SLC12A3: variants seen among roughly 807,000 people sequenced by gnomAD.
SLC12A3 encodes the protein Na-Cl cotransporter.
In SLC12A3, 104 loss-of-function variants were observed where a neutral mutation model predicts 121.0. That is an observed-to-expected ratio of 0.86 (90% CI 0.73 to 1.01). SLC12A3 has a LOEUF of 1.01. Ranked by LOEUF, SLC12A3 falls within the 50% of genes least tolerant of loss-of-function variation. The pLI is 0.00. For missense variants in SLC12A3, 1,328 were observed against 1,356.3 expected, an observed-to-expected ratio of 0.98 and a Z score of 0.33; for synonymous variants, 536 against 533.4, an observed-to-expected ratio of 1.00 and a Z score of -0.07.
chr16:56,882,079 C>G (rs1290169969), intron 12 of SLC12A3, among the ~76,000 whole-genome samples: 2 of 151,754 alleles, frequency 1.3e-5, no homozygotes, highest in Non-Finnish European at 2.9e-5. Flanking sequence ...GTATTTCTTG[C>G]TGTCATTTGT....
chr16:56,880,208 G>A lies in SLC12A3; in HGVS notation c.1522G>A (p.Gly508Ser), dbSNP rs1233263904. Residue 508 changes from glycine to serine, a missense_variant, in exon 12 of 26, where the codon GGC becomes AGC. Physicochemically the swap from Gly to Ser is moderately conservative, Grantham distance 56 (BLOSUM62 0). Transcript: ENST00000563236. ...TGGCAAGAACAAGGAGCCCGTGCGTGGCTACCTGCTGGCCTACGCCATCGC... is the reference window on the plus strand; with the variant it reads ...TGGCAAGAACAAGGAGCCCGTGCGTAGCTACCTGCTGGCCTACGCCATCGC... Reference protein sequence around the residue: ...GYGKNKEPVRGYLLAYAIAVA... With the variant: ...GYGKNKEPVRSYLLAYAIAVA... 6.3e-7 allele frequency: 1 copy of A among 1,594,296 alleles called. No homozygotes were observed. The highest frequency in any genetic ancestry group is 2.3e-5 in the East Asian group (1 of 44,300).
intron 20 of SLC12A3, 139 bp downstream of exon 20, chr16:56,892,272 C>T (rs1302221725): frequency 1.7e-5 from 13 of 757,110 alleles, no homozygotes; most frequent in South Asian, 1.7e-4. Flanking sequence ...ACGGTGGTGC[C>T]TGAGTAACTG....
chr16:56,892,944 C>T lies in SLC12A3; in HGVS notation c.2420-9C>T. The T allele has an allele frequency of 6.2e-7, 1 of 1,612,998 alleles. No individual in the cohort carries two copies. Reference sequence around the variant, plus strand: ...TGGCTCTGCTCTGACCCGCCCCCACCTCCTGCAGTGGACCCCAAGGCCCTG... The same window carrying T: ...TGGCTCTGCTCTGACCCGCCCCCACTTCCTGCAGTGGACCCCAAGGCCCTG... On this transcript the variant is annotated splice_polypyrimidine_tract_variant and intron_variant, in intron 20 of 25. Coordinates refer to ENST00000563236, the MANE Select transcript of SLC12A3 (RefSeq NM_001126108.2).
chr16:56,881,233 A>T (rs2055236215), intron 12 of SLC12A3, among the ~76,000 whole-genome samples: 1 of 152,160 alleles, frequency 6.6e-6, no homozygotes, highest in African/African-American at 2.4e-5. Context: ...AGTCCATGAG[A>T]TTTGCCCTGA....
chr16:56,876,318 CTGGGTGGATGTGAATTT>C (rs2055163182), intron 8 of SLC12A3, among the ~76,000 whole-genome samples: 1 of 152,190 alleles, frequency 6.6e-6, no homozygotes, highest in Non-Finnish European at 1.5e-5. Flanking sequence ...TTCTGAGGTT[CTGGGTGGATGTGAATTT>C]TGGGGGACGC....
Position 56,882,441 on chromosome 16 carries a change from GCTC to G in SLC12A3, c.1616_1618del (p.Ser539del). The G allele has an allele frequency of 6.2e-7, 1 of 1,614,058 alleles. No individual in the cohort carries two copies. Among genetic ancestry groups the G allele is most frequent in the South Asian group, 1.1e-5 (1 of 91,072 alleles). The stretch of plus-strand genomic sequence containing the variant: ...CCCATCATTTCCAACTTCTTCCTCT[GCTC>G]CTATGCCCTCATCAACTTCAGCTGC... On this transcript the variant is annotated inframe_deletion, in exon 13 of 26. Transcript: ENST00000563236.
chr16:56,907,584 G>T (rs1353551853), intron 25 of SLC12A3, among the ~76,000 whole-genome samples: 1 of 152,188 alleles, frequency 6.6e-6, no homozygotes, highest in African/African-American at 2.4e-5. Context: ...TATTTCTCAT[G>T]GTTCTAGAGG....
chr16:56,883,790 C>T (rs1261188763), intron 13 of SLC12A3, among the ~76,000 whole-genome samples: 1 of 152,202 alleles, frequency 6.6e-6, no homozygotes, highest in Non-Finnish European at 1.5e-5. Flanking sequence ...CTGTTGCTGA[C>T]ATGGGATGTC....
chr16:56,872,932 C>A, intron 8 of SLC12A3, 146 bp downstream of exon 8: 1 of 1,028,836 alleles, frequency 9.7e-7, no homozygotes, highest in Non-Finnish European at 1.5e-6. Flanking sequence ...CTCAGTTCAA[C>A]CCAATCCAAC....
In SLC12A3 at chr16:56,879,602, C is replaced by A. The variant is rs374545976; in HGVS notation, c.1396C>A (p.Leu466Ile). ...LITAGIFGAT[L>I]SSALACLVSA... is the part of the protein sequence containing the mutation. ...CACGGCTGGCATCTTCGGGGCCACC[C>A]TCTCCTCTGCCCTGGCCTGCCTTGT... Residue 466 changes from leucine (L) to isoleucine (I), a missense_variant, in exon 11 of 26, where the codon CTC becomes ATC. By Grantham distance (5) the Leu-to-Ile change is conservative. Transcript: ENST00000563236. 2.5e-6 allele frequency: 4 copies of A among 1,613,606 alleles called. No homozygotes were observed. Among genetic ancestry groups the A allele is most frequent in the Non-Finnish European group, 3.4e-6 (4 of 1,179,980 alleles).
intron 8 of SLC12A3, among the ~76,000 whole-genome samples, chr16:56,876,307 ATTCTGAGG>A (rs1470266842): frequency 6.6e-6 from 1 of 152,172 alleles, no homozygotes; most frequent in Non-Finnish European, 1.5e-5. Context: ...ATAAGGCCAC[ATTCTGAGG>A]TTCTGGGTGG....
rs766500543 is a variant in SLC12A3 at position 56,879,657 on chromosome 16, C to T, written c.1443+8C>T. 77 of 1,603,984 alleles carry T rather than the reference C, an allele frequency of 4.8e-5. No individual in the cohort carries two copies. The East Asian group carries it at 9.8e-4, about 20-fold the overall frequency. ...GCTGCCAAAGTCTTCCAGGTGAGGC[C>T]GCAGAAAGGGGTCGAGATGACAGGG... On this transcript the variant is annotated splice_region_variant and intron_variant, in intron 11 of 25. Coordinates refer to ENST00000563236, the MANE Select transcript of SLC12A3 (RefSeq NM_001126108.2).
At position 56,893,003 on chromosome 16, in the gene SLC12A3, T is replaced by C. The variant is rs146845953; in HGVS notation, c.2470T>C (p.Ser824Pro). Residue 824 changes from serine (S) to proline (P), a missense_variant, in exon 21 of 26, where the codon TCG becomes CCG. Coordinates refer to ENST00000563236, the MANE Select transcript of SLC12A3 (RefSeq NM_001126108.2). ...KEEQATTIFQSEQGKKTIDIY... is the reference protein window; with the variant it reads ...KEEQATTIFQPEQGKKTIDIY... ...GGAGCAGGCCACCACCATCTTCCAG[T>C]CGGAGCAGGGCAAGAAGACCATAGA... 8.7e-6 allele frequency: 14 copies of C among 1,614,098 alleles called. No homozygotes were observed. The highest frequency in any genetic ancestry group is 1.2e-5 in the Non-Finnish European group (14 of 1,180,020).
At chr16:56,904,297 T>A (rs776318068) in intron 24 of SLC12A3, 98 bp from the exon 25 acceptor site, 93 of 1,111,078 alleles carry the variant, frequency 8.4e-5, no homozygotes, top group South Asian at 2.0e-4. Context: ...AAGTAAATCA[T>A]GAATCCAGTT....
chr16:56,875,686 C>T (rs77188937), intron 8 of SLC12A3, among the ~76,000 whole-genome samples: 10,809 of 152,044 alleles, frequency 0.071, 500 homozygotes, highest in East Asian at 0.16. Flanking sequence ...TTTCTGATTT[C>T]ACAGATGGGG....
At position 56,873,851 on chromosome 16, in the gene SLC12A3, A is replaced by G. The variant is rs138811332; in HGVS notation, c.1095+1065A>G. Among the ~76,000 whole-genome samples, 1,011 of 151,790 alleles carry G rather than the reference A, an allele frequency of 6.7e-3. 13 individuals carry two copies. Among genetic ancestry groups the G allele is most frequent in the African/African-American group, 0.023 (971 of 41,340 alleles). The stretch of plus-strand genomic sequence containing the variant: ...CTCAGCCTCCAGAGTAGTTGAGACT[A>G]CAGGCACCTGCCACCACGCCTAACT... On this transcript the variant is annotated intron_variant, in intron 8 of 25. Transcript: ENST00000563236.
intron 18 of SLC12A3, among the ~76,000 whole-genome samples, chr16:56,888,437 CAGTGG>C (rs1286750952): frequency 1.3e-5 from 2 of 151,970 alleles, no homozygotes; most frequent in African/African-American, 4.8e-5. Flanking sequence ...TGATAGGGAG[CAGTGG>C]AGACTGTGGC....
chr16:56,913,610 AG>A lies in SLC12A3; in HGVS notation c.*207del. ...CACATTCCCTGGGTCTTGTGTTTATAGGCTAGAGAAATAGCAGATGGAGCTG... is the reference window on the plus strand; with the variant it reads ...CACATTCCCTGGGTCTTGTGTTTATAGCTAGAGAAATAGCAGATGGAGCTG... On this transcript the variant is annotated 3_prime_UTR_variant, in exon 26 of 26. Transcript: ENST00000563236. The A allele has an allele frequency of 1.6e-6, 1 of 632,926 alleles. No homozygotes were observed. The highest frequency in any genetic ancestry group is 1.8e-5 in the South Asian group (1 of 55,696). The allele number at this position is 632,926 out of a possible 1,614,324, so 39.2% of individuals were successfully genotyped here.
intron 24 of SLC12A3, among the ~76,000 whole-genome samples, chr16:56,903,498 C>T (rs2055566590): frequency 6.6e-6 from 1 of 152,200 alleles, no homozygotes; most frequent in South Asian, 2.1e-4. Context: ...GGGGCTGCTA[C>T]TGTCAGGCAG....
Sources: allele counts gnomAD v4.1 joint callset (sites outside exome capture counted in the v4.1 genomes callset), GRCh38; gene constraint gnomAD v4.1.1; transcripts MANE v1.5; gene names NCBI Gene and HGNC (gene_info 2026-07-23, HGNC 2026-07-21).